Variants in COPS3 observed in about 807,000 individuals in gnomAD.
COPS3 encodes COP9 signalosome subunit 3, also known as COP9 signalosome complex subunit 3.
Under a neutral mutation model 58.2 loss-of-function variants are expected in COPS3, and 10 were observed. That is an observed-to-expected ratio of 0.17 (90% CI 0.11 to 0.29). COPS3 has a LOEUF of 0.29. Ranked by LOEUF, COPS3 falls within the 10% of genes least tolerant of loss-of-function variation. The pLI, the probability that COPS3 is intolerant of heterozygous loss-of-function variation, is 1.00. For synonymous variants in COPS3, 187 were observed against 181.7 expected (o/e 1.03, Z -0.24); for missense variants, 333 against 510.1 (o/e 0.65, Z 3.34).
intron 8 of COPS3, among the ~76,000 whole-genome samples, chr17:17,255,916 T>TCTC (rs1372967182): frequency 1.3e-5 from 2 of 150,222 alleles, no homozygotes; most frequent in Non-Finnish European, 2.9e-5. Context: ...ATGCCTGTAA[T>TCTC]CTCAGCACTT....
At chr17:17,279,214 G>A (rs897734864) in intron 1 of COPS3, among the ~76,000 whole-genome samples, 2 of 152,136 alleles carry the variant, frequency 1.3e-5, no homozygotes, top group Non-Finnish European at 2.9e-5. Context: ...GTGAGGCACA[G>A]TAGCCGACAG....
At chr17:17,267,113 G>A (rs890210659) in intron 5 of COPS3, among the ~76,000 whole-genome samples, 37 of 151,808 alleles carry the variant, frequency 2.4e-4, no homozygotes, top group East Asian at 3.9e-4. Context: ...TGAGGCGAGC[G>A]GATCACGACG....
intron 10 of COPS3, among the ~76,000 whole-genome samples, chr17:17,248,324 GTTTT>G (rs1049417048): frequency 6.6e-6 from 1 of 151,984 alleles, no homozygotes; most frequent in East Asian, 1.9e-4. Context: ...AGAGAGTTTT[GTTTT>G]TTTGAGACAG....
At chr17:17,256,452 G>A (rs2047977968) in intron 8 of COPS3, among the ~76,000 whole-genome samples, 1 of 152,072 alleles carries the variant, frequency 6.6e-6, no homozygotes, top group African/African-American at 2.4e-5. Flanking sequence ...TTGTGATGAG[G>A]GAAACCAGTG....
At chr17:17,273,638 C>T (rs1269895391) in intron 2 of COPS3, among the ~76,000 whole-genome samples, 3 of 151,884 alleles carry the variant, frequency 2.0e-5, no homozygotes, top group Non-Finnish European at 4.4e-5. Flanking sequence ...ATTGCTTGAG[C>T]TCAGGAGTTC....
intron 2 of COPS3, 116 bp from the exon 3 acceptor site, chr17:17,271,124 C>A (rs925700539): frequency 1.3e-5 from 10 of 781,174 alleles, no homozygotes; most frequent in Non-Finnish European, 1.9e-5. Flanking sequence ...AAATGAGCAA[C>A]AGTATTTTTT....
At chr17:17,278,343 T>C (rs984745044) in intron 1 of COPS3, among the ~76,000 whole-genome samples, 3 of 152,236 alleles carry the variant, frequency 2.0e-5, no homozygotes, top group Non-Finnish European at 4.4e-5. Context: ...AATCTTTTCC[T>C]TACTAAAAGA....
At chr17:17,272,826 C>T (rs749130916) in intron 2 of COPS3, among the ~76,000 whole-genome samples, 10 of 152,110 alleles carry the variant, frequency 6.6e-5, no homozygotes, top group Non-Finnish European at 1.5e-4. Context: ...TGCTTGAGCC[C>T]AGAAGTTCAA....
Position 17,247,253 on chromosome 17 carries a change from G to GCC in COPS3, c.1219-104_1219-103dup. On this transcript the variant is annotated intron_variant, in intron 11 of 11. Coordinates refer to ENST00000268717, the MANE Select transcript of COPS3 (RefSeq NM_003653.4). Reference sequence around the variant, plus strand: ...GTTGCCCTGTCCCTCCCAGAACAAAGCCCCCTGTGAACAAGGGCAGGCAAT... The same window carrying GCC: ...GTTGCCCTGTCCCTCCCAGAACAAAGCCCCCCCTGTGAACAAGGGCAGGCAAT... The GCC allele has an allele frequency of 2.5e-6, 3 of 1,181,506 alleles. No homozygotes were observed. The South Asian group carries it at 3.7e-5, about 14-fold the overall frequency. The allele number at this position is 1,181,506 out of a possible 1,614,324, so 73.2% of individuals were successfully genotyped here.
chr17:17,263,300 A>G (rs1423956418), intron 6 of COPS3, among the ~76,000 whole-genome samples: 1 of 150,754 alleles, frequency 6.6e-6, no homozygotes, highest in African/African-American at 2.4e-5. Context: ...AAAAAAAAAA[A>G]AGAGATTCTC....
At chr17:17,265,839 C>T (rs2048210710) in intron 5 of COPS3, among the ~76,000 whole-genome samples, 1 of 152,108 alleles carries the variant, frequency 6.6e-6, no homozygotes, top group African/African-American at 2.4e-5. Flanking sequence ...AGAGTGTGTC[C>T]TCTTTCTTTA....
chr17:17,278,360 C>T (rs1275398553), intron 1 of COPS3, among the ~76,000 whole-genome samples: 1 of 152,180 alleles, frequency 6.6e-6, no homozygotes, highest in African/African-American at 2.4e-5. Flanking sequence ...AAGAATACAA[C>T]ATAGTATAAT....
At chr17:17,255,839 AAAAT>A (rs144619560) in intron 8 of COPS3, among the ~76,000 whole-genome samples, 32,597 of 127,034 alleles carry the variant, frequency 0.26, 4,086 homozygotes, top group Middle Eastern at 0.31. Context: ...ACTCCATCTC[AAAAT>A]AAATAAATAA....
chr17:17,276,261 C>T, intron 1 of COPS3, 97 bp from the exon 2 acceptor site: 1 of 1,487,332 alleles, frequency 6.7e-7, no homozygotes, highest in Admixed American at 1.8e-5. Context: ...CCTGAAGTTC[C>T]CAAAATTGAT....
intron 2 of COPS3, among the ~76,000 whole-genome samples, chr17:17,273,951 AG>A (rs1305575617): frequency 1.3e-5 from 2 of 152,220 alleles, no homozygotes; most frequent in African/African-American, 4.8e-5. Context: ...TGGGAGGTCG[AG>A]GCTACAGTGA....
chr17:17,247,566 T>A lies in COPS3; in HGVS notation c.1138-6A>T, dbSNP rs186432349. 3.5e-4 allele frequency: 571 copies of A among 1,614,038 alleles called. No homozygotes were observed. The highest frequency in any genetic ancestry group is 5.0e-4 in the Admixed American group (30 of 59,992). ...AGCTCAATGCACTTCAGCATCTGCA[T>A]GACAGGCACATTAGAAGGTGGTCAG... On this transcript the variant is annotated splice_region_variant and splice_polypyrimidine_tract_variant and intron_variant, in intron 10 of 11. Transcript: ENST00000268717.
At chr17:17,264,658 A>G (rs979637929) in intron 6 of COPS3, 144 bp downstream of exon 6, 1 of 629,674 alleles carries the variant, frequency 1.6e-6, no homozygotes, top group Non-Finnish European at 2.7e-6. Flanking sequence ...CACTATTTAC[A>G]TGATCACAGA....
intron 8 of COPS3, 176 bp from the exon 9 acceptor site, chr17:17,255,121 G>A: frequency 2.0e-6 from 1 of 493,150 alleles, no homozygotes; most frequent in Non-Finnish European, 3.6e-6. Context: ...CTAACATGGT[G>A]AAACCCTGTC....
chr17:17,262,761 TCTCA>T (rs1195718975), intron 6 of COPS3, among the ~76,000 whole-genome samples: 2 of 150,652 alleles, frequency 1.3e-5, no homozygotes, highest in East Asian at 3.9e-4. Context: ...AGAAATGGAG[TCTCA>T]CTATGTTGCT....
Sources: gnomAD v4.1 joint callset for allele counts (sites outside exome capture counted in the v4.1 genomes callset) on GRCh38, gnomAD v4.1.1 for gene constraint, MANE v1.5 for transcripts, NCBI Gene and HGNC (gene_info 2026-07-23, HGNC 2026-07-21) for gene names.